Variants in SDK1 observed in about 807,000 individuals in gnomAD.
The protein encoded by SDK1 is sidekick cell adhesion molecule 1, also known as protein sidekick-1.
In SDK1, 157 loss-of-function variants were observed where a neutral mutation model predicts 245.5. The observed-to-expected ratio is 0.64, with a 90% CI of 0.56 to 0.73. SDK1 has a LOEUF of 0.73. Ranked by LOEUF, SDK1 falls within the 30% of genes least tolerant of loss-of-function variation. SDK1 has a pLI of 0.00. For missense variants in SDK1, 3,583 were observed against 3,002.3 expected (o/e 1.19, Z -4.52); for synonymous variants, 1,647 against 1,278.5 (o/e 1.29, Z -6.15).
intron 44 of SDK1, among the ~76,000 whole-genome samples, chr7:4,263,570 C>G (rs1178441089): frequency 1.7e-4 from 11 of 63,940 alleles, no homozygotes; most frequent in African/African-American, 4.2e-4. Context: ...CCGCGTAGAC[C>G]TCTCCTGAGT....
At chr7:4,014,092 C>T (rs1786199397) in intron 16 of SDK1, among the ~76,000 whole-genome samples, 1 of 152,240 alleles carries the variant, frequency 6.6e-6, no homozygotes, top group South Asian at 2.1e-4. Context: ...CCCTCTGTAC[C>T]CAGCAGCACA....
In SDK1 at chr7:3,877,161, A is replaced by G. The variant is rs1162780170; in HGVS notation, c.847+55578A>G. ...CCCAATCCATTGGAATGAATAAACAACTCATCAGAGTGGCCACTTGGTCTT... is the reference window on the plus strand; with the variant it reads ...CCCAATCCATTGGAATGAATAAACAGCTCATCAGAGTGGCCACTTGGTCTT... On this transcript the variant is annotated intron_variant, in intron 5 of 44. Coordinates refer to ENST00000404826, the MANE Select transcript of SDK1 (RefSeq NM_152744.4). 2.0e-5 allele frequency among the ~76,000 whole-genome samples: 3 copies of G among 151,982 alleles called. No homozygotes were observed. In the East Asian group the frequency reaches 5.8e-4, roughly 29 times the overall value.
chr7:4,159,537 C>G (rs1780984727), intron 31 of SDK1, among the ~76,000 whole-genome samples: 1 of 152,224 alleles, frequency 6.6e-6, no homozygotes, highest in African/African-American at 2.4e-5. Flanking sequence ...GCTCCTGCCT[C>G]TCATCCAGCT....
intron 1 of SDK1, among the ~76,000 whole-genome samples, chr7:3,324,815 A>G (rs1779901344): frequency 2.0e-5 from 3 of 152,138 alleles, no homozygotes; most frequent in Non-Finnish European, 2.9e-5. Context: ...TATTAAACCT[A>G]TGCCCAGGAA....
At chr7:3,590,270 A>G (rs1347888426) in intron 1 of SDK1, among the ~76,000 whole-genome samples, 1 of 126,438 alleles carries the variant, frequency 7.9e-6, no homozygotes, top group Non-Finnish European at 1.7e-5. Flanking sequence ...AGAAATGGGT[A>G]TATTTCAACT....
At chr7:3,412,970 G>A (rs79912052) in intron 1 of SDK1, among the ~76,000 whole-genome samples, 10,059 of 152,174 alleles carry the variant, frequency 0.066, 396 homozygotes, top group African/African-American at 0.11. Context: ...CTTCTCTCTT[G>A]GAGTTTATAT....
At chr7:3,665,668 C>T (rs116703799) in intron 4 of SDK1, among the ~76,000 whole-genome samples, 303 of 152,230 alleles carry the variant, frequency 2.0e-3, no homozygotes, top group African/African-American at 6.9e-3. Context: ...AGTAGTATTT[C>T]GTGGTGACTG....
chr7:3,316,357 G>C (rs1243555641), intron 1 of SDK1, among the ~76,000 whole-genome samples: 2 of 152,082 alleles, frequency 1.3e-5, no homozygotes, highest in Admixed American at 1.3e-4. Flanking sequence ...ACAGTAACAT[G>C]CTGCACAGGT....
At chr7:3,639,256 A>G (rs1343723991) in intron 3 of SDK1, 146 bp downstream of exon 3, 2 of 461,738 alleles carry the variant, frequency 4.3e-6, no homozygotes, top group South Asian at 4.2e-5. Context: ...TCAGTGAGAG[A>G]TAAGTAAGCA....
intron 28 of SDK1, among the ~76,000 whole-genome samples, chr7:4,135,771 C>T (rs1431307036): frequency 1.3e-5 from 2 of 152,172 alleles, no homozygotes; most frequent in African/African-American, 2.4e-5. Context: ...GCTGAGTAAA[C>T]GTTAGCTTCC....
At chr7:3,964,996 T>C (rs1328070090) in intron 9 of SDK1, among the ~76,000 whole-genome samples, 1 of 152,194 alleles carries the variant, frequency 6.6e-6, no homozygotes, top group Non-Finnish European at 1.5e-5. Flanking sequence ...TGATTAGAAT[T>C]ATTTGAAGCC....
chr7:3,675,559 TTTTGTTTG>T (rs56106932), intron 4 of SDK1, among the ~76,000 whole-genome samples: 25 of 150,966 alleles, frequency 1.7e-4, no homozygotes, highest in Non-Finnish European at 2.2e-4. Flanking sequence ...CCCTACTCCT[TTTTGTTTG>T]TTTGTTTGTT....
intron 4 of SDK1, among the ~76,000 whole-genome samples, chr7:3,798,096 T>C (rs1158811715): frequency 4.6e-5 from 7 of 152,074 alleles, no homozygotes; most frequent in Admixed American, 4.6e-4. Context: ...CAGTTTTTTT[T>C]CCTGATTATC....
chr7:4,093,745 C>G (rs564589214), intron 22 of SDK1, among the ~76,000 whole-genome samples: 14 of 152,336 alleles, frequency 9.2e-5, no homozygotes, highest in African/African-American at 2.6e-4. Context: ...AACACTGTCT[C>G]TCTCCTAAGC....
At chr7:3,420,964 G>C (rs1398893140) in intron 1 of SDK1, among the ~76,000 whole-genome samples, 1 of 152,002 alleles carries the variant, frequency 6.6e-6, no homozygotes, top group African/African-American at 2.4e-5. Context: ...GTCCATGTAA[G>C]AACAGTTCTT....
intron 1 of SDK1, among the ~76,000 whole-genome samples, chr7:3,604,403 A>T (rs187928013): frequency 2.0e-5 from 3 of 151,826 alleles, no homozygotes; most frequent in Admixed American, 1.3e-4. Flanking sequence ...CCTTCTTTTG[A>T]GGTAGGAAGG....
At chr7:4,066,818 C>T (rs1469881831) in intron 19 of SDK1, among the ~76,000 whole-genome samples, 1 of 152,228 alleles carries the variant, frequency 6.6e-6, no homozygotes, top group Non-Finnish European at 1.5e-5. Context: ...GAGTCGCAGG[C>T]AGGTGGTCCA....
chr7:3,475,740 C>A (rs947847213), intron 1 of SDK1, among the ~76,000 whole-genome samples: 4 of 152,180 alleles, frequency 2.6e-5, no homozygotes, highest in Admixed American at 6.5e-5. Context: ...ATCATTGACT[C>A]AAAAGAATGA....
At chr7:4,191,496 C>A (rs940171030) in intron 35 of SDK1, among the ~76,000 whole-genome samples, 1 of 152,256 alleles carries the variant, frequency 6.6e-6, no homozygotes, top group African/African-American at 2.4e-5. Context: ...TCTCTGGGAT[C>A]CCTCCAGGTC....
Sources: allele counts gnomAD v4.1 joint callset (sites outside exome capture counted in the v4.1 genomes callset), GRCh38; gene constraint gnomAD v4.1.1; transcripts MANE v1.5; gene names NCBI Gene and HGNC (gene_info 2026-07-23, HGNC 2026-07-21).